Variants in NKAIN3 observed in about 807,000 individuals in gnomAD.
NKAIN3 encodes sodium/potassium transporting ATPase interacting 3.
In NKAIN3, 25 loss-of-function variants were observed where a neutral mutation model predicts 30.2. The ratio of observed to expected loss-of-function variants is 0.83; its 90% CI spans 0.60 to 1.16. NKAIN3 has a LOEUF of 1.16. NKAIN3 is among the 50% of genes most tolerant of loss of function. NKAIN3 has a pLI of 0.00. For missense variants in NKAIN3, 225 were observed against 254.1 expected, an observed-to-expected ratio of 0.89 and a Z score of 0.78; for synonymous variants, 91 against 89.6, an observed-to-expected ratio of 1.02 and a Z score of -0.09.
At chr8:62,816,222 G>T (rs368438746) in intron 4 of NKAIN3, among the ~76,000 whole-genome samples, 5 of 152,168 alleles carry the variant, frequency 3.3e-5, no homozygotes, top group African/African-American at 9.7e-5. Flanking sequence ...GGAGTTGATT[G>T]GGTATGGTGC....
chr8:62,370,422 T>G (rs537347887), intron 1 of NKAIN3, among the ~76,000 whole-genome samples: 1 of 151,110 alleles, frequency 6.6e-6, no homozygotes, highest in Non-Finnish European at 1.5e-5. Flanking sequence ...AAAAAGAAAA[T>G]GGGGGGGAAC....
In NKAIN3 at chr8:62,966,834, A is replaced by G. The variant is rs1303097714; in HGVS notation, c.*1427A>G. On this transcript the variant is annotated 3_prime_UTR_variant, in exon 7 of 7. Coordinates refer to ENST00000623646, the MANE Select transcript of NKAIN3 (RefSeq NM_001304533.3). ...CCATGCATCTCTAAGAAGTCCGTCT[A>G]TTAACCACCTAAAACTGTTACAAAT... is the stretch of plus-strand genomic sequence containing the variant. 2.0e-5 allele frequency among the ~76,000 whole-genome samples: 3 copies of G among 152,212 alleles called. No homozygotes were observed. Among genetic ancestry groups the G allele is most frequent in the African/African-American group, 4.8e-5 (2 of 41,448 alleles).
intron 4 of NKAIN3, among the ~76,000 whole-genome samples, chr8:62,844,056 T>A (rs571606241): frequency 6.6e-6 from 1 of 152,292 alleles, no homozygotes; most frequent in Admixed American, 6.5e-5. Flanking sequence ...AACTTCATTA[T>A]TAAAGGTTAT....
chr8:62,425,203 TG>T (rs1804771300), intron 1 of NKAIN3, among the ~76,000 whole-genome samples: 1 of 151,892 alleles, frequency 6.6e-6, no homozygotes, highest in South Asian at 2.1e-4. Context: ...AGAGATCTAT[TG>T]TTCAACATTG....
intron 1 of NKAIN3, among the ~76,000 whole-genome samples, chr8:62,454,090 A>G (rs1805734409): frequency 6.6e-6 from 1 of 151,918 alleles, no homozygotes; most frequent in South Asian, 2.1e-4. Flanking sequence ...TGAGGTTCAG[A>G]TATGGCATGA....
chr8:62,261,983 T>C (rs1350827361), intron 1 of NKAIN3, among the ~76,000 whole-genome samples: 3 of 152,000 alleles, frequency 2.0e-5, no homozygotes, highest in Admixed American at 2.0e-4. Flanking sequence ...ATAACAAAAC[T>C]GTGTGTGTGT....
chr8:62,315,092 C>T (rs918137286), intron 1 of NKAIN3, among the ~76,000 whole-genome samples: 4 of 152,134 alleles, frequency 2.6e-5, no homozygotes, highest in Non-Finnish European at 5.9e-5. Context: ...AGCCATCACG[C>T]AGGACACATC....
intron 4 of NKAIN3, among the ~76,000 whole-genome samples, chr8:62,897,401 C>A (rs1418121245): frequency 1.7e-4 from 25 of 151,130 alleles, no homozygotes; most frequent in Admixed American, 1.6e-3. Context: ...AGATGGGAAA[C>A]CATGAATGAA....
At chr8:62,520,110 C>A (rs1808110808) in intron 1 of NKAIN3, among the ~76,000 whole-genome samples, 1 of 152,080 alleles carries the variant, frequency 6.6e-6, no homozygotes, top group South Asian at 2.1e-4. Flanking sequence ...GTATGTCACC[C>A]ACCTTAGATT....
At chr8:62,361,964 C>T (rs1816579507) in intron 1 of NKAIN3, among the ~76,000 whole-genome samples, 1 of 152,116 alleles carries the variant, frequency 6.6e-6, no homozygotes. Context: ...GGAAACATTT[C>T]TAGGCCCTTC....
In NKAIN3 at chr8:62,998,862, A is replaced by T. The variant is rs1804186795; in HGVS notation, c.533-369A>T. On this transcript the variant is annotated intron_variant, in intron 5 of 5. Transcript: ENST00000519049. ...TGCTTGATAAACCAACTAAGACTAA[A>T]AACTAGCAGTTAGTGATATCAGAAG... Among the ~76,000 whole-genome samples the T allele has an allele frequency of 2.0e-5, 3 of 152,158 alleles. No individual in the cohort carries two copies. The South Asian group carries it at 6.2e-4, about 32-fold the overall frequency.
At chr8:62,949,233 C>T (rs548377459) in intron 5 of NKAIN3, among the ~76,000 whole-genome samples, 1 of 152,322 alleles carries the variant, frequency 6.6e-6, no homozygotes, top group Admixed American at 6.5e-5. Flanking sequence ...CCCTTTGATT[C>T]TGCATAAAGT....
At chr8:62,562,957 C>T (rs905159166) in intron 1 of NKAIN3, among the ~76,000 whole-genome samples, 1 of 152,022 alleles carries the variant, frequency 6.6e-6, no homozygotes, top group Non-Finnish European at 1.5e-5. Flanking sequence ...TGCTGGGTTG[C>T]CATTTACGTA....
chr8:62,423,342 G>T (rs1042266281), intron 1 of NKAIN3, among the ~76,000 whole-genome samples: 1 of 151,404 alleles, frequency 6.6e-6, no homozygotes, highest in Non-Finnish European at 1.5e-5. Context: ...TTTCCAAACC[G>T]TGCTGTTTCT....
At chr8:62,990,837 T>C (rs1010532674) in intron 5 of NKAIN3, 6 of 152,212 alleles carry the variant, frequency 3.9e-5, no homozygotes, top group Non-Finnish European at 7.3e-5. Context: ...TTCATTAAAA[T>C]AAATTTACAT....
intron 1 of NKAIN3, among the ~76,000 whole-genome samples, chr8:62,319,479 A>G (rs1042845501): frequency 1.3e-5 from 2 of 151,292 alleles, no homozygotes; most frequent in Admixed American, 1.3e-4. Context: ...AGTGCTATAA[A>G]TTTCCCTCTA....
At chr8:62,723,497 CTA>C (rs770818794) in intron 3 of NKAIN3, among the ~76,000 whole-genome samples, 13 of 152,144 alleles carry the variant, frequency 8.5e-5, no homozygotes, top group Admixed American at 1.3e-4. Context: ...AATCAAATAA[CTA>C]TTGATTAACA....
Position 62,565,005 on chromosome 8 carries a change from G to A in NKAIN3, c.55-14534G>A, listed in dbSNP as rs2129993665. On this transcript the variant is annotated intron_variant, in intron 1 of 6. Coordinates refer to ENST00000623646, the MANE Select transcript of NKAIN3 (RefSeq NM_001304533.3). ...ATGATTTATATGCATAGCTACACAA[G>A]CATTTCATACACTTGGAAAATCTCA... Among the ~76,000 whole-genome samples, 4 of 152,144 alleles carry A rather than the reference G, an allele frequency of 2.6e-5. No individual in the cohort carries two copies. In the South Asian group the frequency reaches 8.3e-4, roughly 32 times the overall value.
intron 4 of NKAIN3, among the ~76,000 whole-genome samples, chr8:62,848,004 T>C (rs906836609): frequency 6.6e-6 from 1 of 152,190 alleles, no homozygotes; most frequent in African/African-American, 2.4e-5. Flanking sequence ...TGTGGCCTTA[T>C]TTCTGGGTTC....
Sources: allele counts gnomAD v4.1 joint callset (sites outside exome capture counted in the v4.1 genomes callset), GRCh38; gene constraint gnomAD v4.1.1; transcripts MANE v1.5; gene names NCBI Gene and HGNC (gene_info 2026-07-23, HGNC 2026-07-21).